PHEX: variants seen among roughly 807,000 people sequenced by gnomAD.
The protein encoded by PHEX is phosphate regulating endopeptidase X-linked.
PHEX carries 16 observed loss-of-function variants against 68.0 expected under a neutral mutation model. That is an observed-to-expected ratio of 0.24 (90% CI 0.16 to 0.36). The LOEUF is 0.36. PHEX is among the 10% of genes least tolerant of loss of function. PHEX has a pLI of 1.00. For missense variants in PHEX, 480 were observed against 575.5 expected (o/e 0.83, Z 1.70); for synonymous variants, 208 against 205.1 (o/e 1.01, Z -0.12).
intron 21 of PHEX, among the ~76,000 whole-genome samples, chrX:22,246,924 GT>G (rs1401840179): frequency 9.0e-6 from 1 of 111,596 alleles, no homozygotes; most frequent in Non-Finnish European, 1.9e-5. Flanking sequence ...AAGGGGGGAA[GT>G]TTTTTGTGTG....
intron 5 of PHEX, among the ~76,000 whole-genome samples, chrX:22,080,809 G>A (rs777047326): frequency 1.8e-5 from 2 of 111,663 alleles, no homozygotes; most frequent in Non-Finnish European, 3.8e-5. Flanking sequence ...GAATATCCTC[G>A]TGCAAATTAC....
At chrX:22,140,178 A>C (rs2147093486) in intron 12 of PHEX, among the ~76,000 whole-genome samples, 1 of 111,425 alleles carries the variant, frequency 9.0e-6, no homozygotes, top group Non-Finnish European at 1.9e-5. Context: ...TGTTAATAGA[A>C]GGGTATAATG....
intron 9 of PHEX, among the ~76,000 whole-genome samples, chrX:22,111,203 G>A (rs1930948360): frequency 8.9e-6 from 1 of 112,362 alleles, no homozygotes; most frequent in South Asian, 3.7e-4. Context: ...TACCCTGAGA[G>A]TGAAAGTAAA....
chrX:22,138,773 A>G (rs1382636906), intron 12 of PHEX, among the ~76,000 whole-genome samples: 1 of 112,321 alleles, frequency 8.9e-6, no homozygotes, highest in Admixed American at 9.4e-5. Flanking sequence ...GCACATTTGC[A>G]TAACCGCTCA....
At chrX:22,188,938 A>G (rs1181607041) in intron 14 of PHEX, among the ~76,000 whole-genome samples, 23 of 111,459 alleles carry the variant, frequency 2.1e-4, no homozygotes. Flanking sequence ...TCTGGTAACC[A>G]TCCTTCTACT....
intron 15 of PHEX, among the ~76,000 whole-genome samples, chrX:22,199,419 C>T (rs767454848): frequency 8.9e-6 from 1 of 112,030 alleles, no homozygotes; most frequent in Non-Finnish European, 1.9e-5. Flanking sequence ...TTTCAGTTAC[C>T]TATGGGCAAC....
chrX:22,090,636 T>C, intron 6 of PHEX, 139 bp downstream of exon 6: 1 of 508,946 alleles, frequency 2.0e-6, no homozygotes, highest in Non-Finnish European at 3.5e-6. Flanking sequence ...AGACTTTTAT[T>C]CAGGCAGATA....
chrX:22,189,608 T>C (rs1934136191), intron 14 of PHEX, among the ~76,000 whole-genome samples: 1 of 112,075 alleles, frequency 8.9e-6, no homozygotes, highest in Non-Finnish European at 1.9e-5. Flanking sequence ...TTGATTACTA[T>C]TGTTATTTTT....
At chrX:22,076,201 T>C (rs185872655) in intron 3 of PHEX, among the ~76,000 whole-genome samples, 187 bp from the exon 4 acceptor site, 156 of 112,523 alleles carry the variant, frequency 1.4e-3, no homozygotes, top group Admixed American at 2.4e-3. Context: ...TAAAACTGTT[T>C]TTATTTGAAC....
chrX:22,215,362 T>C lies in PHEX; in HGVS notation c.1700+2404T>C, dbSNP rs181761473. ...TGGTCCAGTGAGATGGCTTCCCATA[T>C]GTTCATCTAGTCTGTATTAATAAAT... is the stretch of plus-strand genomic sequence containing the variant. On this transcript the variant is annotated intron_variant, in intron 16 of 21. Coordinates refer to ENST00000379374, the MANE Select transcript of PHEX (RefSeq NM_000444.6). Among the ~76,000 whole-genome samples, 4 of 111,728 alleles carry C rather than the reference T, an allele frequency of 3.6e-5. No homozygotes were observed. The East Asian group carries it at 1.1e-3, about 31-fold the overall frequency.
intron 18 of PHEX, 86 bp downstream of exon 18, chrX:22,221,829 A>G: frequency 1.1e-6 from 1 of 872,331 alleles, no homozygotes; most frequent in Non-Finnish European, 1.7e-6. Flanking sequence ...ATTGGTTCTC[A>G]AAGCGTGTTT....
intron 6 of PHEX, among the ~76,000 whole-genome samples, chrX:22,093,043 C>A (rs1242619080): frequency 8.9e-6 from 1 of 111,865 alleles, no homozygotes; most frequent in Non-Finnish European, 1.9e-5. Flanking sequence ...AGCCACCACG[C>A]CCAGCCTATT....
At chrX:22,153,948 C>G (rs1932899344) in intron 12 of PHEX, among the ~76,000 whole-genome samples, 1 of 111,228 alleles carries the variant, frequency 9.0e-6, no homozygotes, top group African/African-American at 3.3e-5. Context: ...ATCTAAACAT[C>G]TCTAAGATCC....
chrX:22,108,624 C>A (rs1470668214), intron 9 of PHEX, among the ~76,000 whole-genome samples: 1 of 111,979 alleles, frequency 8.9e-6, no homozygotes, highest in African/African-American at 3.3e-5. Context: ...GTCACCCTCA[C>A]TGGCTTGTTT....
intron 20 of PHEX, among the ~76,000 whole-genome samples, chrX:22,241,270 T>C (rs773538532): frequency 1.2e-4 from 13 of 112,008 alleles, no homozygotes; most frequent in Non-Finnish European, 1.9e-4. Context: ...GGGACACATT[T>C]AAAGCAGTGT....
At chrX:22,176,398 AAAAAATATATATAT>A (rs1157156467) in intron 13 of PHEX, among the ~76,000 whole-genome samples, 2 of 68,188 alleles carry the variant, frequency 2.9e-5, no homozygotes, top group African/African-American at 1.8e-4. Context: ...AAAAAAAAAA[AAAAAATATATATAT>A]ATATATATAT....
At chrX:22,111,069 G>T (rs1042865922) in intron 9 of PHEX, among the ~76,000 whole-genome samples, 1 of 112,461 alleles carries the variant, frequency 8.9e-6, no homozygotes. Context: ...CCCAGAATTG[G>T]TTTTTTCCTT....
At chrX:22,040,122 T>C (rs897923468) in intron 2 of PHEX, among the ~76,000 whole-genome samples, 3 of 111,785 alleles carry the variant, frequency 2.7e-5, no homozygotes, top group African/African-American at 9.8e-5. Context: ...GGAGCCAGAT[T>C]CTAGCCCTCA....
intron 3 of PHEX, among the ~76,000 whole-genome samples, chrX:22,061,959 G>A (rs754598330): frequency 1.3e-3 from 143 of 111,551 alleles, no homozygotes; most frequent in African/African-American, 4.3e-3. Context: ...AAATCATGGC[G>A]GAAGGGGAAG....
Sources: gnomAD v4.1 joint callset for allele counts (sites outside exome capture counted in the v4.1 genomes callset) on GRCh38, gnomAD v4.1.1 for gene constraint, MANE v1.5 for transcripts, NCBI Gene and HGNC (gene_info 2026-07-23, HGNC 2026-07-21) for gene names.